Variants in MLLT3 observed in about 807,000 individuals in gnomAD.
The protein encoded by MLLT3 is MLLT3 super elongation complex subunit.
Under a neutral mutation model 53.2 loss-of-function variants are expected in MLLT3, and 4 were observed. The observed-to-expected ratio is 0.08, with a 90% confidence interval of 0.04 to 0.17. The LOEUF is 0.17. Among genes scored for constraint, MLLT3 ranks in the 10% least tolerant of loss-of-function variants. The pLI is 1.00. For missense variants in MLLT3, 569 were observed against 684.0 expected, an observed-to-expected ratio of 0.83 and a Z score of 1.87; for synonymous variants, 283 against 230.6, an observed-to-expected ratio of 1.23 and a Z score of -2.06.
rs185680660 is a variant in MLLT3 at position 20,579,038 on chromosome 9, T to G, written c.193+41616A>C. On this transcript the variant is annotated intron_variant, in intron 2 of 10. Transcript: ENST00000380338. Reference sequence around the variant, plus strand: ...TGCTTACCTTAAGGAATGTAAAACATTTAACAATTTTTGAAAGAAGGGTTA... The same window carrying G: ...TGCTTACCTTAAGGAATGTAAAACAGTTAACAATTTTTGAAAGAAGGGTTA... Among the ~76,000 whole-genome samples the G allele has an allele frequency of 2.0e-3, 303 of 152,218 alleles. 11 individuals are homozygous for G. The highest frequency in any genetic ancestry group is 0.02 in the Admixed American group (298 of 15,262).
rs181154536 is a variant in MLLT3, at chr9:20,565,961, T to C, written c.193+54693A>G. Reference sequence around the variant, plus strand: ...ATTTATATATATATATATTTATATATATATATTTATATATATATATATTTA... The same window carrying C: ...ATTTATATATATATATATTTATATACATATATTTATATATATATATATTTA... On this transcript the variant is annotated intron_variant, in intron 2 of 10. Transcript: ENST00000380338. Among the ~76,000 whole-genome samples, 1,414 of 40,554 alleles carry C rather than the reference T, an allele frequency of 0.035. 72 individuals are homozygous for C. The East Asian group carries it at 0.47, about 14-fold the overall frequency. 26.6% of individuals were successfully genotyped at this position (40,554 alleles called of 152,430 possible).
chr9:20,410,325 C>T (rs1238763103), intron 5 of MLLT3, among the ~76,000 whole-genome samples: 1 of 152,120 alleles, frequency 6.6e-6, no homozygotes, highest in Non-Finnish European at 1.5e-5. Flanking sequence ...TCATACATAG[C>T]AATAGCTAAC....
chr9:20,470,135 A>C (rs1824345488), intron 2 of MLLT3, among the ~76,000 whole-genome samples: 1 of 152,028 alleles, frequency 6.6e-6, no homozygotes, highest in Non-Finnish European at 1.5e-5. Context: ...ATCTCTTCTA[A>C]CAGGGTATTT....
chr9:20,429,958 C>T (rs910696241), intron 4 of MLLT3, among the ~76,000 whole-genome samples: 1 of 152,064 alleles, frequency 6.6e-6, no homozygotes, highest in Non-Finnish European at 1.5e-5. Flanking sequence ...GGAAATAAGA[C>T]AGGTATGTGT....
intron 2 of MLLT3, among the ~76,000 whole-genome samples, chr9:20,590,045 G>C (rs946359458): frequency 6.6e-6 from 1 of 152,150 alleles, no homozygotes; most frequent in Non-Finnish European, 1.5e-5. Context: ...CCCGCCAGGA[G>C]AAGCCATTCT....
At chr9:20,377,891 T>C (rs1821809674) in intron 5 of MLLT3, among the ~76,000 whole-genome samples, 2 of 152,102 alleles carry the variant, frequency 1.3e-5, no homozygotes, top group South Asian at 4.1e-4. Context: ...ATTTTCTCAT[T>C]ATCAGCTTAT....
intron 5 of MLLT3, among the ~76,000 whole-genome samples, chr9:20,368,527 T>C (rs1821514615): frequency 6.6e-6 from 1 of 152,160 alleles, no homozygotes; most frequent in Non-Finnish European, 1.5e-5. Flanking sequence ...TTAGCAAGGA[T>C]GACAAGAGAA....
intron 4 of MLLT3, 91 bp from the exon 5 acceptor site, chr9:20,414,516 T>A: frequency 1.3e-6 from 2 of 1,561,276 alleles, no homozygotes; most frequent in Non-Finnish European, 1.7e-6. Flanking sequence ...CTTCTTTGAT[T>A]CCTCTCAAGC....
intron 2 of MLLT3, among the ~76,000 whole-genome samples, chr9:20,507,690 T>C (rs918399986): frequency 6.9e-6 from 1 of 145,064 alleles, no homozygotes; most frequent in Non-Finnish European, 1.5e-5. Flanking sequence ...AGCAGCAATA[T>C]TAGAAGAAAA....
chr9:20,429,340 CCT>C (rs1290500791), intron 4 of MLLT3, among the ~76,000 whole-genome samples: 6 of 152,054 alleles, frequency 3.9e-5, no homozygotes, highest in African/African-American at 1.4e-4. Context: ...TGCACTCCAG[CCT>C]GGGCAACAGG....
At chr9:20,482,797 A>G (rs1342024933) in intron 2 of MLLT3, among the ~76,000 whole-genome samples, 1 of 152,160 alleles carries the variant, frequency 6.6e-6, no homozygotes, top group Non-Finnish European at 1.5e-5. Context: ...TTCTTAGGTA[A>G]AAAATCTCTC....
chr9:20,450,584 T>G (rs113780844), intron 3 of MLLT3, among the ~76,000 whole-genome samples: 1 of 152,178 alleles, frequency 6.6e-6, no homozygotes, highest in African/African-American at 2.4e-5. Flanking sequence ...CTTTCACAAG[T>G]AGTGCTCCCC....
chr9:20,522,919 G>A (rs1347915173), intron 2 of MLLT3, among the ~76,000 whole-genome samples: 2 of 151,942 alleles, frequency 1.3e-5, no homozygotes, highest in East Asian at 3.9e-4. Context: ...ACGTGATTGT[G>A]CCACTGCACT....
At chr9:20,606,606 G>A (rs1440107901) in intron 2 of MLLT3, among the ~76,000 whole-genome samples, 3 of 152,118 alleles carry the variant, frequency 2.0e-5, no homozygotes, top group Non-Finnish European at 2.9e-5. Context: ...AGGGAGTGTG[G>A]GAGGTGGAGT....
intron 5 of MLLT3, among the ~76,000 whole-genome samples, chr9:20,376,629 G>A (rs1430706240): frequency 6.6e-6 from 1 of 152,038 alleles, no homozygotes; most frequent in African/African-American, 2.4e-5. Context: ...AAATGGCCTC[G>A]GGGAGCAGGG....
chr9:20,523,124 C>T (rs939947858), intron 2 of MLLT3, among the ~76,000 whole-genome samples: 2 of 152,266 alleles, frequency 1.3e-5, no homozygotes, highest in African/African-American at 4.8e-5. Flanking sequence ...TTAAAAGATG[C>T]TCTACATTAT....
intron 5 of MLLT3, among the ~76,000 whole-genome samples, chr9:20,377,147 T>G (rs557975866): frequency 2.6e-5 from 4 of 152,278 alleles, no homozygotes; most frequent in African/African-American, 9.6e-5. Flanking sequence ...AAAAAAAGTT[T>G]CCTGATAGAA....
At chr9:20,431,385 G>C (rs1413727204) in intron 4 of MLLT3, among the ~76,000 whole-genome samples, 1 of 152,046 alleles carries the variant, frequency 6.6e-6, no homozygotes, top group East Asian at 1.9e-4. Flanking sequence ...CCTAGAGTTT[G>C]GGAACCACTG....
chr9:20,383,680 T>A (rs1469208482), intron 5 of MLLT3, among the ~76,000 whole-genome samples: 1 of 151,946 alleles, frequency 6.6e-6, no homozygotes, highest in East Asian at 1.9e-4. Flanking sequence ...AAGTTATGTC[T>A]GAGTCCATTT....
Sources: gnomAD v4.1 joint callset for allele counts (sites outside exome capture counted in the v4.1 genomes callset) on GRCh38, gnomAD v4.1.1 for gene constraint, MANE v1.5 for transcripts, NCBI Gene and HGNC (gene_info 2026-07-23, HGNC 2026-07-21) for gene names.